LPGAT1: variants seen among roughly 807,000 people sequenced by gnomAD.
LPGAT1 encodes the protein lysophosphatidylglycerol acyltransferase 1.
A neutral mutation model predicts 47.5 loss-of-function variants in LPGAT1; 11 were observed. The observed-to-expected ratio is 0.23, with a 90% CI of 0.15 to 0.38. The LOEUF (loss-of-function observed/expected upper bound fraction) is 0.38, where lower values mean the gene tolerates loss of function less well. LPGAT1 is among the 10% of genes least tolerant of loss of function. LPGAT1 has a pLI of 1.00. For missense variants in LPGAT1, 293 were observed against 439.0 expected, an observed-to-expected ratio of 0.67 and a Z score of 2.97; for synonymous variants, 138 against 144.2, an observed-to-expected ratio of 0.96 and a Z score of 0.31.
rs540661983 is a variant in LPGAT1 at position 211,827,332 on chromosome 1, A to G, written c.238+1727T>C. Among the ~76,000 whole-genome samples the G allele has an allele frequency of 3.9e-5, 6 of 152,328 alleles. No homozygotes were observed. In the South Asian group the frequency reaches 1.2e-3, roughly 32 times the overall value. ...TAGTCAGCAAGGAAGAGATACCCCA[A>G]GAAAATATGCTGAAAAATACATTGC... is the stretch of plus-strand genomic sequence containing the variant. On this transcript the variant is annotated intron_variant, in intron 2 of 7. Transcript: ENST00000366997.
Position 211,779,018 on chromosome 1 carries a change from TC to T in LPGAT1, c.753del (p.Trp251Ter). On this transcript the variant is annotated frameshift_variant, in exon 6 of 8. Coordinates refer to ENST00000366997, the MANE Select transcript of LPGAT1 (RefSeq NM_014873.3). LOFTEE classifies it high-confidence loss of function. ...GGATAAGCTATCGTTGTATCTATTA[TC>T]CACTGGAGGCCTTTTGATTTGCTGT... ...ELDSKSKGLQ[W>X]IIDTTIAYPK... is the part of the protein sequence containing the mutation. The T allele has an allele frequency of 6.3e-7, 1 of 1,595,718 alleles. No individual in the cohort carries two copies.
chr1:211,801,851 G>A (rs1250700320), intron 2 of LPGAT1, among the ~76,000 whole-genome samples: 1 of 151,980 alleles, frequency 6.6e-6, no homozygotes, highest in African/African-American at 2.4e-5. Flanking sequence ...AGGCTGAGGA[G>A]GGTGGATCAC....
intron 6 of LPGAT1, among the ~76,000 whole-genome samples, chr1:211,774,132 CTTTT>C (rs67342051): frequency 2.4e-4 from 16 of 66,822 alleles, no homozygotes; most frequent in African/African-American, 1.1e-3. Flanking sequence ...TTTTAAAAGT[CTTTT>C]TTTTTTTTTT....
In LPGAT1 at chr1:211,830,148, C is replaced by T; in HGVS notation, c.-28+425G>A. On this transcript the variant is annotated intron_variant, in intron 1 of 7. Coordinates refer to ENST00000366997, the MANE Select transcript of LPGAT1 (RefSeq NM_014873.3). The surrounding 1 kb of genome is among the most constrained non-coding windows in gnomAD (Gnocchi z 5.9). ...GCGGTTTCCGCGGATGTGGAAGGGT[C>T]GTGGCGGCGGGCGCGGCCCGCGCGC... The T allele has an allele frequency of 1.0e-6, 1 of 983,746 alleles. No homozygotes were observed. Among genetic ancestry groups the T allele is most frequent in the Non-Finnish European group, 1.2e-6 (1 of 829,468 alleles). The allele number at this position is 983,746 out of a possible 1,614,324, so 60.9% of individuals were successfully genotyped here.
At chr1:211,815,735 G>GGCCTTCCCTTT (rs1275572311) in intron 2 of LPGAT1, among the ~76,000 whole-genome samples, 1 of 150,712 alleles carries the variant, frequency 6.6e-6, no homozygotes, top group African/African-American at 2.4e-5. Context: ...TGCAGCCACT[G>GGCCTTCCCTTT]GCCTTCCCTT....
Position 211,749,515 on chromosome 1 carries a change from T to C in LPGAT1, c.*384A>G, listed in dbSNP as rs1657087653. On this transcript the variant is annotated 3_prime_UTR_variant, in exon 8 of 8. Transcript: ENST00000366997. ...GGCGTTCTAGAGAACTGCCCTAATA[T>C]AGACTACAGCTAAGAGGGATGAATA... The C allele has an allele frequency of 4.7e-6, 1 of 214,568 alleles. No homozygotes were observed. Among genetic ancestry groups the C allele is most frequent in the South Asian group, 7.0e-5 (1 of 14,288 alleles). 13.3% of individuals were successfully genotyped at this position (214,568 alleles called of 1,614,324 possible).
intron 2 of LPGAT1, among the ~76,000 whole-genome samples, chr1:211,806,726 A>G (rs1393132610): frequency 6.6e-6 from 1 of 152,226 alleles, no homozygotes; most frequent in Non-Finnish European, 1.5e-5. Context: ...GACGCAGAAA[A>G]AGCATTCAAT....
At chr1:211,770,498 C>A (rs1198396206) in intron 6 of LPGAT1, among the ~76,000 whole-genome samples, 3 of 152,150 alleles carry the variant, frequency 2.0e-5, no homozygotes, top group Non-Finnish European at 2.9e-5. Flanking sequence ...TGTTTACATA[C>A]ATAGTCATGT....
At chr1:211,784,828 G>C (rs1343712560) in intron 4 of LPGAT1, among the ~76,000 whole-genome samples, 1 of 136,626 alleles carries the variant, frequency 7.3e-6, no homozygotes, top group Non-Finnish European at 1.5e-5. Context: ...TTTTGAGACA[G>C]AGTCTCGCTC....
chr1:211,780,887 T>C (rs1658613133), intron 5 of LPGAT1, among the ~76,000 whole-genome samples: 1 of 65,506 alleles, frequency 1.5e-5, no homozygotes, highest in Non-Finnish European at 2.8e-5. Context: ...TTTCAACTCT[T>C]ATGTATGTTT....
intron 7 of LPGAT1, 107 bp downstream of exon 7, chr1:211,750,854 A>G: frequency 4.0e-6 from 3 of 755,728 alleles, no homozygotes; most frequent in East Asian, 2.7e-5. Context: ...GGCAATTTAC[A>G]GAGTGCATTT....
chr1:211,824,404 A>G (rs1660468526), intron 2 of LPGAT1, among the ~76,000 whole-genome samples: 1 of 152,208 alleles, frequency 6.6e-6, no homozygotes, highest in African/African-American at 2.4e-5. Flanking sequence ...ACAAAAAAAT[A>G]AAAAAGGATC....
intron 2 of LPGAT1, among the ~76,000 whole-genome samples, chr1:211,797,308 TTTC>T (rs1201294024): frequency 1.6e-5 from 2 of 121,504 alleles, no homozygotes; most frequent in Admixed American, 8.8e-5. Context: ...TTTCTTTCCT[TTTC>T]TTTTTTTTTT....
chr1:211,779,588 C>T (rs946541081), intron 5 of LPGAT1, among the ~76,000 whole-genome samples: 1 of 152,140 alleles, frequency 6.6e-6, no homozygotes, highest in East Asian at 1.9e-4. Flanking sequence ...CAGTAGCTCA[C>T]GCCTATAATC....
chr1:211,812,853 G>C (rs1223985885), intron 2 of LPGAT1, among the ~76,000 whole-genome samples: 1 of 152,188 alleles, frequency 6.6e-6, no homozygotes, highest in African/African-American at 2.4e-5. Flanking sequence ...ACCTCTGGAG[G>C]GATCTTGGCC....
At chr1:211,793,899 T>C (rs1372449813) in intron 2 of LPGAT1, among the ~76,000 whole-genome samples, 5 of 152,140 alleles carry the variant, frequency 3.3e-5, no homozygotes, top group African/African-American at 1.2e-4. Flanking sequence ...TATAAACCCG[T>C]TAAAATAATG....
At chr1:211,806,222 T>C (rs905719530) in intron 2 of LPGAT1, among the ~76,000 whole-genome samples, 12 of 149,098 alleles carry the variant, frequency 8.0e-5, no homozygotes, top group Non-Finnish European at 1.3e-4. Flanking sequence ...ATTGAGCCAC[T>C]GTATTACAGC....
intron 6 of LPGAT1, among the ~76,000 whole-genome samples, chr1:211,766,095 G>T (rs930716732): frequency 1.3e-5 from 2 of 152,050 alleles, no homozygotes; most frequent in African/African-American, 4.8e-5. Context: ...GACTGAGACT[G>T]GGACTTACAC....
rs10597980 is a variant in LPGAT1 at position 211,793,402 on chromosome 1, ATTATTTATTTATTTATTTATTTAT to A, written c.239-236_239-213del. 9.4e-4 allele frequency: 139 copies of A among 148,654 alleles called. 3 individuals carry two copies. The Middle Eastern group carries it at 0.02, about 22-fold the overall frequency. 9.2% of individuals were successfully genotyped at this position (148,654 alleles called of 1,614,324 possible). ...ATATACATTAAAATATAAAATTATCATTATTTATTTATTTATTTATTTATTTATTTATTTATTTATTTATATTTG... is the reference window on the plus strand; with the variant it reads ...ATATACATTAAAATATAAAATTATCATTATTTATTTATTTATTTATATTTG... On this transcript the variant is annotated intron_variant, in intron 2 of 7. Coordinates refer to ENST00000366997, the MANE Select transcript of LPGAT1 (RefSeq NM_014873.3).
Sources: allele counts gnomAD v4.1 joint callset (sites outside exome capture counted in the v4.1 genomes callset), GRCh38; gene constraint gnomAD v4.1.1; non-coding constraint Gnocchi (gnomAD v3.1); transcripts MANE v1.5; gene names NCBI Gene and HGNC (gene_info 2026-07-23, HGNC 2026-07-21).